Variants in FAT1 observed in about 807,000 individuals in gnomAD.
FAT1 encodes protocadherin Fat 1.
FAT1 carries 171 observed loss-of-function variants against 329.8 expected under a neutral mutation model. That is an observed-to-expected ratio of 0.52 (90% confidence interval 0.46 to 0.59). The LOEUF (loss-of-function observed/expected upper bound fraction) is 0.59, where lower values mean the gene tolerates loss of function less well. Among genes scored for constraint, FAT1 ranks in the 20% least tolerant of loss-of-function variants. The probability of loss-of-function intolerance (pLI) is 0.00; values close to 1 mark genes in which losing one functional copy is unlikely to be tolerated. For synonymous variants in FAT1, 2,233 were observed against 2,228.6 expected, an observed-to-expected ratio of 1.00 and a Z score of -0.06; for missense variants, 5,672 against 5,774.4, an observed-to-expected ratio of 0.98 and a Z score of 0.57.
At position 186,596,610 on chromosome 4, in the gene FAT1, G is replaced by A. The variant is rs1158057540; in HGVS notation, c.12930C>T (p.Pro4310=). The change falls in exon 25 of 27, where the codon CCC becomes CCT. Residue 4310 remains proline, a synonymous_variant. Transcript: ENST00000441802. The surrounding 1 kb of genome is among the most constrained non-coding windows in gnomAD (Gnocchi z 4.7). The part of the protein sequence containing the change: ...AVCSVAPNLP[P]PPPSNSPSDS... The stretch of plus-strand genomic sequence containing the variant: ...CAGAAGGGGAGTTTGAAGGGGGTGG[G>A]GGAGGCAGGTTTGGCGCCACGCTGC... 6.2e-7 allele frequency: 1 copy of A among 1,612,260 alleles called. No individual in the cohort carries two copies. The highest frequency in any genetic ancestry group is 1.3e-5 in the African/African-American group (1 of 74,884).
At chr4:186,604,347 C>T (rs1738987289) in intron 18 of FAT1, 30 bp downstream of exon 18, 4 of 1,587,908 alleles carry the variant, frequency 2.5e-6, no homozygotes, top group South Asian at 2.3e-5. Context: ...TATGAATCCA[C>T]AACCAAACCA....
At chr4:186,647,001 T>C (rs1741416779) in intron 3 of FAT1, among the ~76,000 whole-genome samples, 1 of 152,212 alleles carries the variant, frequency 6.6e-6, no homozygotes, top group South Asian at 2.1e-4. Context: ...TAAATCTATG[T>C]TCATAAACAG....
intron 7 of FAT1, 56 bp downstream of exon 7, chr4:186,633,628 G>A (rs1009378462): frequency 5.0e-5 from 80 of 1,605,184 alleles, no homozygotes; most frequent in Non-Finnish European, 6.5e-5. Flanking sequence ...GGACCCCTAA[G>A]TCAGAACGTT....
chr4:186,606,021 A>G (rs751382176), intron 17 of FAT1, 49 bp downstream of exon 17: 1 of 1,566,136 alleles, frequency 6.4e-7, no homozygotes, highest in Admixed American at 1.9e-5. Flanking sequence ...GGCCAATGGA[A>G]AAGCTCATTT....
At chr4:186,706,324 C>T (rs1343368788) in intron 2 of FAT1, among the ~76,000 whole-genome samples, 3 of 152,130 alleles carry the variant, frequency 2.0e-5, no homozygotes, top group Non-Finnish European at 4.4e-5. Context: ...TATCCCTGGT[C>T]TTTTACTCAC....
chr4:186,666,533 C>T (rs975231922), intron 2 of FAT1, among the ~76,000 whole-genome samples: 9 of 152,194 alleles, frequency 5.9e-5, no homozygotes, highest in African/African-American at 1.7e-4. Flanking sequence ...CAATAAAATT[C>T]ACTTGACAGG....
intron 3 of FAT1, among the ~76,000 whole-genome samples, chr4:186,652,019 T>A (rs1392210510): frequency 6.6e-6 from 1 of 152,210 alleles, no homozygotes; most frequent in Non-Finnish European, 1.5e-5. Context: ...TAGTTCAAAC[T>A]TTCAGAGTTC....
intron 2 of FAT1, among the ~76,000 whole-genome samples, chr4:186,698,867 T>C (rs1039555974): frequency 1.3e-5 from 2 of 152,232 alleles, no homozygotes; most frequent in Non-Finnish European, 2.9e-5. Flanking sequence ...ATTGTCAGAA[T>C]GCCTCCTAAC....
chr4:186,593,499 G>A (rs985856639), intron 26 of FAT1, among the ~76,000 whole-genome samples: 9 of 152,146 alleles, frequency 5.9e-5, no homozygotes, highest in South Asian at 2.1e-4. Context: ...TTGTTGACGC[G>A]GTTCAGATAA....
At chr4:186,634,192 A>G (rs985668883) in intron 6 of FAT1, among the ~76,000 whole-genome samples, 2 of 152,238 alleles carry the variant, frequency 1.3e-5, no homozygotes, top group Non-Finnish European at 2.9e-5. Flanking sequence ...CTTACTAACA[A>G]AACTTTCTGA....
rs187784855 is a variant in FAT1 at position 186,588,464 on chromosome 4, G to A, written c.*128C>T. On this transcript the variant is annotated 3_prime_UTR_variant, in exon 27 of 27. Transcript: ENST00000441802. ...ATGGCTAGCACGTCCAGAGGCGCAG[G>A]ATCCAGCGCAGCCATGCCCATTCGG... 475 of 1,125,564 alleles carry A rather than the reference G, an allele frequency of 4.2e-4. 1 individual carries two copies. In the African/African-American group the frequency reaches 6.5e-3, roughly 15 times the overall value. 69.7% of individuals were successfully genotyped at this position (1,125,564 alleles called of 1,614,324 possible).
rs1744797478 is a variant in FAT1 at position 186,708,922 on chromosome 4, C to A, written c.906G>T (p.Gln302His). 3 of 1,614,020 alleles carry A rather than the reference C, an allele frequency of 1.9e-6. No individual in the cohort carries two copies. The highest frequency in any genetic ancestry group is 2.5e-6 in the Non-Finnish European group (3 of 1,179,898). ...CTGGAAAGGACCTCACTGTTCTAAACTGCTGGAGAAGGTCACCTGCCACGA... is the reference window on the plus strand; with the variant it reads ...CTGGAAAGGACCTCACTGTTCTAAAATGCTGGAGAAGGTCACCTGCCACGA... The part of the protein sequence containing the change: ...LSIVAGDLLQ[Q>H]FRTVRSFPGS... The change falls in exon 2 of 27, where the codon CAG becomes CAT. Residue 302 changes from glutamine (Q) to histidine (H), a missense_variant. This residue lies in a region of FAT1 where 3,966 missense variants were observed against 3,915.2 expected (regional missense o/e 1.01). Coordinates refer to ENST00000441802, the MANE Select transcript of FAT1 (RefSeq NM_005245.4).
In FAT1 at chr4:186,621,535, C is replaced by CT; in HGVS notation, c.5050dup (p.Ser1684LysfsTer10). ...ATGGGCTGTAACCATCCCAACGAAA[C>CT]TCCCAATGCTGACAGTTTCACTAAG... is the stretch of plus-strand genomic sequence containing the variant. On this transcript the variant is annotated frameshift_variant, in exon 10 of 27. Transcript: ENST00000441802. LOFTEE classifies it high-confidence loss of function. 6.2e-7 allele frequency: 1 copy of CT among 1,614,008 alleles called. No individual in the cohort carries two copies. Among genetic ancestry groups the CT allele is most frequent in the Non-Finnish European group, 8.5e-7 (1 of 1,179,880 alleles).
chr4:186,718,982 C>G (rs368438388), intron 1 of FAT1, among the ~76,000 whole-genome samples: 1 of 152,220 alleles, frequency 6.6e-6, no homozygotes, highest in African/African-American at 2.4e-5. Flanking sequence ...CACTCCTGAT[C>G]CTTCATTCGG....
In FAT1 at chr4:186,599,223, C is replaced by T. The variant is rs151116471; in HGVS notation, c.12103+675G>A. On this transcript the variant is annotated intron_variant, in intron 22 of 26. Transcript: ENST00000441802. ...TCTACGCACACAGAATGCAAATATA[C>T]CTCCCTGAGAGAACAGCAGAAAACC... Among the ~76,000 whole-genome samples the T allele has an allele frequency of 1.5e-3, 221 of 152,280 alleles. 1 individual carries two copies. Among genetic ancestry groups the T allele is most frequent in the Non-Finnish European group, 1.7e-3 (113 of 68,018 alleles).
chr4:186,665,594 C>T (rs1288439786), intron 2 of FAT1, among the ~76,000 whole-genome samples: 5 of 152,058 alleles, frequency 3.3e-5, no homozygotes, highest in Admixed American at 6.6e-5. Context: ...GATATTAGCC[C>T]TTGGTCAGAT....
intron 9 of FAT1, among the ~76,000 whole-genome samples, chr4:186,626,830 C>G (rs540117306): frequency 4.0e-5 from 2 of 50,184 alleles, no homozygotes; most frequent in African/African-American, 1.9e-4. Flanking sequence ...AACATGGCAC[C>G]TGGCACATAA....
At chr4:186,614,605 A>G (rs983136002) in intron 11 of FAT1, among the ~76,000 whole-genome samples, 4 of 152,250 alleles carry the variant, frequency 2.6e-5, no homozygotes, top group African/African-American at 9.6e-5. Context: ...AAATGCTATT[A>G]TATGTTATTA....
intron 3 of FAT1, among the ~76,000 whole-genome samples, chr4:186,646,786 T>A (rs186976815): frequency 1.3e-5 from 2 of 151,888 alleles, no homozygotes; most frequent in Admixed American, 1.3e-4. Flanking sequence ...TGCCCTGCCA[T>A]GCTCCTGCTC....
Sources: allele counts gnomAD v4.1 joint callset (sites outside exome capture counted in the v4.1 genomes callset), GRCh38; gene constraint gnomAD v4.1.1; regional missense constraint gnomAD v4.1.1; non-coding constraint Gnocchi (gnomAD v3.1); transcripts MANE v1.5; gene names NCBI Gene and HGNC (gene_info 2026-07-23, HGNC 2026-07-21).